Variants in GRIA3 observed in about 807,000 individuals in gnomAD.
The protein encoded by GRIA3 is glutamate receptor 3.
A neutral mutation model predicts 63.0 loss-of-function variants in GRIA3; 3 were observed. The ratio of observed to expected loss-of-function variants is 0.05; its 90% confidence interval spans 0.02 to 0.12. GRIA3 has a LOEUF of 0.12. GRIA3 is among the 10% of genes least tolerant of loss of function. The pLI is 1.00. For missense variants in GRIA3, 347 were observed against 700.9 expected, an observed-to-expected ratio of 0.50 and a Z score of 5.70; for synonymous variants, 274 against 257.9, an observed-to-expected ratio of 1.06 and a Z score of -0.60.
At chrX:123,376,445 A>G (rs2147365499) in intron 5 of GRIA3, among the ~76,000 whole-genome samples, 1 of 111,641 alleles carries the variant, frequency 9.0e-6, no homozygotes, top group African/African-American at 3.3e-5. Flanking sequence ...TGTCTTTGCT[A>G]AAGTTGGCAT....
At chrX:123,417,960 G>C in intron 11 of GRIA3, 182 bp downstream of exon 11, 1 of 490,060 alleles carries the variant, frequency 2.0e-6, no homozygotes, top group East Asian at 3.6e-5. Context: ...CATTGGTGTT[G>C]CTTTGAATGT....
chrX:123,361,973 C>G (rs1365482158), intron 5 of GRIA3, among the ~76,000 whole-genome samples: 2 of 111,654 alleles, frequency 1.8e-5, no homozygotes, highest in Non-Finnish European at 3.8e-5. Flanking sequence ...GTATTACATT[C>G]AATAGCCATT....
At chrX:123,189,999 A>G (rs1455590303) in intron 2 of GRIA3, among the ~76,000 whole-genome samples, 2 of 112,140 alleles carry the variant, frequency 1.8e-5, no homozygotes, top group African/African-American at 6.5e-5. Flanking sequence ...TTATCTAATT[A>G]TTATAATTGC....
chrX:123,233,779 A>G (rs974345343), intron 2 of GRIA3, among the ~76,000 whole-genome samples: 1 of 111,921 alleles, frequency 8.9e-6, no homozygotes, highest in East Asian at 2.8e-4. Flanking sequence ...TGAAAGAATG[A>G]GCAAGATGTC....
Position 123,402,775 on chromosome X carries a change from T to C in GRIA3, c.1081-219T>C, listed in dbSNP as rs145945263. Among the ~76,000 whole-genome samples, 213 of 110,975 alleles carry C rather than the reference T, an allele frequency of 1.9e-3. 2 individuals carry two copies. Among genetic ancestry groups the C allele is most frequent in the African/African-American group, 6.8e-3 (207 of 30,566 alleles). On this transcript the variant is annotated intron_variant, in intron 7 of 15. Coordinates refer to ENST00000620443, the MANE Select transcript of GRIA3 (RefSeq NM_007325.5). ...TCATTATATTATATAAGTAACAGCA[T>C]CTTACACCTACTCAATGCTTCAAAA... is the stretch of plus-strand genomic sequence containing the variant.
At chrX:123,362,118 G>A (rs754158232) in intron 5 of GRIA3, among the ~76,000 whole-genome samples, 2 of 111,733 alleles carry the variant, frequency 1.8e-5, no homozygotes, top group Admixed American at 9.5e-5. Flanking sequence ...TGCTCTGAAG[G>A]TCTTTACAGT....
chrX:123,268,568 T>G (rs1016502300), intron 3 of GRIA3, among the ~76,000 whole-genome samples: 5 of 110,814 alleles, frequency 4.5e-5, no homozygotes, highest in African/African-American at 1.6e-4. Context: ...AACAAATGAT[T>G]TTTTTTATCC....
intron 2 of GRIA3, among the ~76,000 whole-genome samples, chrX:123,193,617 T>C (rs1014220628): frequency 2.7e-5 from 3 of 112,021 alleles, no homozygotes; most frequent in African/African-American, 9.7e-5. Flanking sequence ...ATTAAAAGCT[T>C]ACCCAGTGTC....
Position 123,185,789 on chromosome X carries a change from T to A in GRIA3, c.110-43T>A, listed in dbSNP as rs376191681. Reference sequence around the variant, plus strand: ...TTCCCCAATTCCTAACTGGCCCTAGTGTGGGGGAACACAAGCCAAATCTCC... The same window carrying A: ...TTCCCCAATTCCTAACTGGCCCTAGAGTGGGGGAACACAAGCCAAATCTCC... On this transcript the variant is annotated intron_variant, in intron 1 of 15. Transcript: ENST00000620443. 3.8e-4 allele frequency: 443 copies of A among 1,156,843 alleles called. 2 individuals carry two copies. The highest frequency in any genetic ancestry group is 2.9e-3 in the Middle Eastern group (12 of 4,068).
At chrX:123,256,400 G>A (rs2044420042) in intron 3 of GRIA3, among the ~76,000 whole-genome samples, 1 of 111,978 alleles carries the variant, frequency 8.9e-6, no homozygotes, top group Admixed American at 9.5e-5. Flanking sequence ...GATAATAATG[G>A]ATAGGGCTTA....
Position 123,318,327 on chromosome X carries a change from C to T in GRIA3, c.509-7699C>T, listed in dbSNP as rs185894613. Among the ~76,000 whole-genome samples the T allele has an allele frequency of 6.2e-5, 7 of 112,342 alleles. No homozygotes were observed. The Admixed American group carries it at 6.6e-4, about 11-fold the overall frequency. On this transcript the variant is annotated intron_variant, in intron 3 of 15. Coordinates refer to ENST00000620443, the MANE Select transcript of GRIA3 (RefSeq NM_007325.5). ...TTGCTATTTATGCAAATTTCTGCAG[C>T]CCGGTTGAATTTCTCCTCAACAAAT... is the stretch of plus-strand genomic sequence containing the variant.
intron 2 of GRIA3, among the ~76,000 whole-genome samples, chrX:123,226,665 T>A (rs1286871865): frequency 3.6e-5 from 4 of 111,221 alleles, no homozygotes; most frequent in Non-Finnish European, 7.6e-5. Context: ...GAAAGAAAAA[T>A]TATATGAGGA....
At chrX:123,467,511 A>G (rs1360483434) in intron 13 of GRIA3, among the ~76,000 whole-genome samples, 2 of 112,422 alleles carry the variant, frequency 1.8e-5, no homozygotes, top group Non-Finnish European at 3.8e-5. Flanking sequence ...GGCCAACTTG[A>G]TGGCCAAAGT....
At chrX:123,197,153 C>T (rs1927595199) in intron 2 of GRIA3, among the ~76,000 whole-genome samples, 1 of 111,887 alleles carries the variant, frequency 8.9e-6, no homozygotes, top group South Asian at 3.8e-4. Flanking sequence ...TTGGATAAAT[C>T]ACACCTATCT....
intron 13 of GRIA3, among the ~76,000 whole-genome samples, chrX:123,478,702 T>C (rs1428976872): frequency 1.8e-5 from 2 of 112,296 alleles, no homozygotes; most frequent in African/African-American, 6.5e-5. Flanking sequence ...GATATGTTAG[T>C]GGGTCCAACT....
chrX:123,482,635 G>T, intron 14 of GRIA3, 164 bp from the exon 15 acceptor site: 1 of 556,669 alleles, frequency 1.8e-6, no homozygotes, highest in Non-Finnish European at 3.1e-6. Context: ...CCGTCTTGCT[G>T]GTCATTGCAA....
chrX:123,300,360 C>CTTTTT (rs147031319), intron 3 of GRIA3, among the ~76,000 whole-genome samples: 1 of 22,509 alleles, frequency 4.4e-5, no homozygotes, highest in African/African-American at 1.9e-4. Flanking sequence ...TGGTCCTGGG[C>CTTTTT]TTTTTTTTTT....
intron 11 of GRIA3, among the ~76,000 whole-genome samples, chrX:123,423,491 G>A (rs1399016968): frequency 8.9e-6 from 1 of 111,748 alleles, no homozygotes; most frequent in Non-Finnish European, 1.9e-5. Flanking sequence ...AAATTAATGA[G>A]GTAATAGCAG....
At chrX:123,280,127 C>G (rs1170388151) in intron 3 of GRIA3, among the ~76,000 whole-genome samples, 2 of 111,628 alleles carry the variant, frequency 1.8e-5, no homozygotes, top group East Asian at 5.6e-4. Context: ...ATCAGCAGCT[C>G]ACACTTCACA....
Sources: gnomAD v4.1 joint callset for allele counts (sites outside exome capture counted in the v4.1 genomes callset) on GRCh38, gnomAD v4.1.1 for gene constraint, MANE v1.5 for transcripts, NCBI Gene and HGNC (gene_info 2026-07-23, HGNC 2026-07-21) for gene names.